The following SECISBP2 variants were observed in gnomAD, a reference collection of about 807,000 sequenced individuals.
The protein encoded by SECISBP2 is SECIS binding protein 2, also known as selenocysteine insertion sequence-binding protein 2.
Under a neutral mutation model 98.2 loss-of-function variants are expected in SECISBP2, and 96 were observed. The ratio of observed to expected loss-of-function variants is 0.98; its 90% CI spans 0.83 to 1.16. The LOEUF (loss-of-function observed/expected upper bound fraction) is 1.16, where lower values mean the gene tolerates loss of function less well. Ranked by LOEUF, SECISBP2 falls within the 50% of genes most tolerant of loss-of-function variation. The pLI, the probability that SECISBP2 is intolerant of heterozygous loss-of-function variation, is 0.00. For synonymous variants in SECISBP2, 407 were observed against 370.2 expected (o/e 1.10, Z -1.14); for missense variants, 1,046 against 1,022.9 (o/e 1.02, Z -0.31).
At position 89,325,977 on chromosome 9, in the gene SECISBP2, G is replaced by A. The variant is rs1412297588; in HGVS notation, c.513G>A (p.Glu171=). ...GGGCTGATGGAACTATATCATCTGA[G>A]ATAAAATCAGCTAGAGGTTCACATC... ...SERADGTISS[E]IKSARGSHHL... Residue 171 remains glutamate, a synonymous_variant, in exon 4 of 17, where the codon GAG becomes GAA. Transcript: ENST00000375807. 1 of 1,613,896 alleles carries A rather than the reference G, an allele frequency of 6.2e-7. No individual in the cohort carries two copies. The highest frequency in any genetic ancestry group is 1.1e-5 in the South Asian group (1 of 91,088).
intron 4 of SECISBP2, among the ~76,000 whole-genome samples, chr9:89,327,286 C>T (rs990711650): frequency 1.3e-5 from 2 of 152,172 alleles, no homozygotes; most frequent in African/African-American, 4.8e-5. Flanking sequence ...ATGTGAAGGC[C>T]TAGGGTGTTA....
chr9:89,364,349 T>G (rs1833243322), downstream of SECISBP2: 2 of 297,494 alleles, frequency 6.7e-6, no homozygotes, highest in Non-Finnish European at 1.3e-5. Context: ...ATCCCAAGGC[T>G]CTGCCATCAC....
At chr9:89,360,493 C>G (rs1000072069), downstream of SECISBP2, among the ~76,000 whole-genome samples, 6 of 152,174 alleles carry the variant, frequency 3.9e-5, no homozygotes, top group African/African-American at 1.2e-4. Context: ...CTCAAAGCCC[C>G]TTTTTAGAGC....
intron 9 of SECISBP2, among the ~76,000 whole-genome samples, chr9:89,340,880 A>G (rs978914914): frequency 1.3e-5 from 2 of 152,202 alleles, no homozygotes; most frequent in Non-Finnish European, 2.9e-5. Flanking sequence ...CCTGCATTTA[A>G]TATTATTTGC....
At chr9:89,324,653 GTAC>G (rs1282453853) in intron 2 of SECISBP2, 1 of 152,510 alleles carries the variant, frequency 6.6e-6, no homozygotes, top group Admixed American at 6.5e-5. Flanking sequence ...GCCTTTCAGT[GTAC>G]TAGTACATTT....
At chr9:89,322,496 GA>G (rs1323510377) in intron 2 of SECISBP2, 1 of 152,234 alleles carries the variant, frequency 6.6e-6, no homozygotes, top group East Asian at 1.9e-4. Flanking sequence ...ATGGGAAACT[GA>G]AGCTAGGAAT....
intron 10 of SECISBP2, among the ~76,000 whole-genome samples, chr9:89,346,331 C>G (rs143459877): frequency 3.6e-4 from 54 of 152,102 alleles, no homozygotes; most frequent in African/African-American, 1.2e-3. Flanking sequence ...TACCAACTGC[C>G]CATGATGGGA....
At position 89,351,704 on chromosome 9, in the gene SECISBP2, G is replaced by A. The variant is rs532779113; in HGVS notation, c.2113+852G>A. Among the ~76,000 whole-genome samples the A allele has an allele frequency of 2.6e-5, 4 of 152,306 alleles. No individual in the cohort carries two copies. In the South Asian group the frequency reaches 8.3e-4, roughly 32 times the overall value. Reference sequence around the variant, plus strand: ...CTAAAGCCTGGAAGTTTTGTGACATGTCCGAGGCCCCCAGCCAGCAGCTCG... The same window carrying A: ...CTAAAGCCTGGAAGTTTTGTGACATATCCGAGGCCCCCAGCCAGCAGCTCG... On this transcript the variant is annotated intron_variant, in intron 14 of 16. Transcript: ENST00000375807.
chr9:89,333,777 T>C (rs1165595789), intron 6 of SECISBP2, among the ~76,000 whole-genome samples: 1 of 152,258 alleles, frequency 6.6e-6, no homozygotes, highest in Admixed American at 6.5e-5. Context: ...ATTTTTACAG[T>C]AGCTTGTCCT....
chr9:89,362,224 C>A, downstream of SECISBP2: 1 of 1,041,466 alleles, frequency 9.6e-7, no homozygotes, highest in Non-Finnish European at 1.4e-6. Context: ...GGGTTCCAGG[C>A]TTCTCCACTG....
intron 2 of SECISBP2, among the ~76,000 whole-genome samples, chr9:89,320,932 A>G (rs1825695125): frequency 6.6e-6 from 1 of 152,222 alleles, no homozygotes; most frequent in Non-Finnish European, 1.5e-5. Flanking sequence ...GCATGATGTA[A>G]TTGAAAATAG....
At chr9:89,319,963 G>A (rs1283176742) in intron 2 of SECISBP2, among the ~76,000 whole-genome samples, 166 bp downstream of exon 2, 3 of 152,150 alleles carry the variant, frequency 2.0e-5, no homozygotes, top group Non-Finnish European at 4.4e-5. Flanking sequence ...ACTGTATCCT[G>A]TGCCAAAAAC....
chr9:89,366,754 G>C, the SECISBP2 span, among the ~76,000 whole-genome samples: 1 of 152,136 alleles, frequency 6.6e-6, no homozygotes, highest in Non-Finnish European at 1.5e-5. Context: ...TTTTTGAGCT[G>C]TTATGATCAA....
intron 12 of SECISBP2, 134 bp downstream of exon 12, chr9:89,348,348 G>A (rs1830749231): frequency 1.0e-6 from 1 of 979,362 alleles, no homozygotes. Context: ...TCAGCATTGA[G>A]CTCCCAGCTT....
chr9:89,345,271 T>A (rs1409144068), intron 10 of SECISBP2, among the ~76,000 whole-genome samples: 1 of 152,208 alleles, frequency 6.6e-6, no homozygotes, highest in East Asian at 1.9e-4. Flanking sequence ...GCCTTCCCCA[T>A]TTGCTGAAAT....
chr9:89,336,875 A>T lies in SECISBP2; in HGVS notation c.1090-1583A>T, dbSNP rs1451720284. Reference sequence around the variant, plus strand: ...CAACCTCCGCCTCCTGGGTTCAAGCAATTCTCCTGCCTTAGTCTCCCAAGT... The same window carrying T: ...CAACCTCCGCCTCCTGGGTTCAAGCTATTCTCCTGCCTTAGTCTCCCAAGT... On this transcript the variant is annotated intron_variant, in intron 7 of 16. Transcript: ENST00000375807. Among the ~76,000 whole-genome samples the T allele has an allele frequency of 2.1e-5, 3 of 145,944 alleles. No homozygotes were observed. The South Asian group carries it at 6.4e-4, about 31-fold the overall frequency.
rs1826532831 is a variant in SECISBP2 at position 89,325,487 on chromosome 9, A to C, written c.243A>C (p.Leu81Phe). The C allele has an allele frequency of 6.2e-7, 1 of 1,613,598 alleles. No individual in the cohort carries two copies. The highest frequency in any genetic ancestry group is 1.3e-5 in the African/African-American group (1 of 74,790). ...CTTCAACTTTTCCACCTCAGTATTT[A>C]TCTTCTGAGATAACTCTTCATCCAT... ...FGASTFPPQY[L>F]SSEITLHPYA... The change falls in exon 3 of 17, where the codon TTA becomes TTC. Residue 81 changes from leucine (L) to phenylalanine (F), a missense_variant. By Grantham distance (22) the Leu-to-Phe change is conservative (BLOSUM62 0). Transcript: ENST00000375807.
chr9:89,337,023 C>G (rs1192928738), intron 7 of SECISBP2, among the ~76,000 whole-genome samples: 1 of 152,122 alleles, frequency 6.6e-6, no homozygotes, highest in Non-Finnish European at 1.5e-5. Context: ...ATCCATCTGC[C>G]TCGGCCTCCC....
Position 89,337,294 on chromosome 9 carries a change from T to G in SECISBP2, c.1090-1164T>G, listed in dbSNP as rs141470735. 4.1e-3 allele frequency among the ~76,000 whole-genome samples: 619 copies of G among 152,376 alleles called. 4 individuals carry two copies. The highest frequency in any genetic ancestry group is 0.014 in the African/African-American group (575 of 41,592). On this transcript the variant is annotated intron_variant, in intron 7 of 16. Transcript: ENST00000375807. ...CCTGTTATCTTCTAACCCAAATAGCTTTGCATTTTACATAGCTGGAGTGAT... is the reference window on the plus strand; with the variant it reads ...CCTGTTATCTTCTAACCCAAATAGCGTTGCATTTTACATAGCTGGAGTGAT...
Sources: gnomAD v4.1 joint callset for allele counts (sites outside exome capture counted in the v4.1 genomes callset) on GRCh38, gnomAD v4.1.1 for gene constraint, MANE v1.5 for transcripts, NCBI Gene and HGNC (gene_info 2026-07-23, HGNC 2026-07-21) for gene names.